The following GLI3 variants were observed in gnomAD, a reference collection of about 807,000 sequenced individuals.
GLI3 encodes the protein transcription activator GLI3.
GLI3 carries 20 observed loss-of-function variants against 100.8 expected under a neutral mutation model. The observed-to-expected ratio is 0.20, with a 90% confidence interval of 0.14 to 0.29. The LOEUF (loss-of-function observed/expected upper bound fraction) is 0.29. GLI3 is among the 10% of genes least tolerant of loss of function. GLI3 has a pLI of 1.00. For missense variants in GLI3, 2,040 were observed against 2,128.5 expected (o/e 0.96, Z 0.82); for synonymous variants, 938 against 860.5 (o/e 1.09, Z -1.58).
intron 10 of GLI3, among the ~76,000 whole-genome samples, chr7:41,995,239 T>A (rs1000127110): frequency 6.6e-6 from 1 of 152,198 alleles, no homozygotes; most frequent in Non-Finnish European, 1.5e-5. Flanking sequence ...GCTATAGGTA[T>A]TAAGGTCCTT....
intron 10 of GLI3, among the ~76,000 whole-genome samples, chr7:42,020,313 T>C (rs1471849006): frequency 6.6e-6 from 1 of 152,326 alleles, no homozygotes; most frequent in Middle Eastern, 3.4e-3. Context: ...ATTCCAACCG[T>C]GCAGCTCAAC....
At chr7:42,087,723 T>G (rs1207298837) in intron 3 of GLI3, among the ~76,000 whole-genome samples, 3 of 151,900 alleles carry the variant, frequency 2.0e-5, no homozygotes, top group Non-Finnish European at 4.4e-5. Flanking sequence ...ACTTTTTTTT[T>G]TTTTTTCATC....
chr7:42,142,387 G>T (rs1786589968), intron 3 of GLI3, among the ~76,000 whole-genome samples: 1 of 152,120 alleles, frequency 6.6e-6, no homozygotes, highest in Non-Finnish European at 1.5e-5. Context: ...GGGGCTAAGT[G>T]ATTTTCTCTA....
intron 4 of GLI3, among the ~76,000 whole-genome samples, chr7:42,057,906 G>T (rs960120590): frequency 6.6e-6 from 1 of 151,886 alleles, no homozygotes; most frequent in Admixed American, 6.6e-5. Context: ...CAGCGGAGGG[G>T]AATAAAGGAT....
At chr7:42,155,007 A>T (rs1786966740) in intron 2 of GLI3, among the ~76,000 whole-genome samples, 2 of 152,230 alleles carry the variant, frequency 1.3e-5, no homozygotes, top group African/African-American at 4.8e-5. Flanking sequence ...CCAGGCCTGC[A>T]ACATGAGAGG....
chr7:42,252,245 C>T (rs1054517224), intron 1 of GLI3, among the ~76,000 whole-genome samples: 2 of 152,074 alleles, frequency 1.3e-5, no homozygotes, highest in South Asian at 4.2e-4. Context: ...GCAGGAACAG[C>T]AAACCAAATA....
At chr7:42,112,325 TTGGTTATA>T (rs1785730474) in intron 3 of GLI3, among the ~76,000 whole-genome samples, 2 of 152,124 alleles carry the variant, frequency 1.3e-5, no homozygotes, top group South Asian at 4.1e-4. Context: ...TTAGCTTTAT[TTGGTTATA>T]TGACCACAGA....
intron 1 of GLI3, among the ~76,000 whole-genome samples, chr7:42,224,244 A>G (rs1349000348): frequency 6.6e-6 from 1 of 152,220 alleles, no homozygotes; most frequent in Non-Finnish European, 1.5e-5. Context: ...ACATTCATGG[A>G]AAGCATTTCT....
At chr7:42,183,459 C>T (rs1307054446) in intron 2 of GLI3, among the ~76,000 whole-genome samples, 1 of 152,050 alleles carries the variant, frequency 6.6e-6, no homozygotes, top group African/African-American at 2.4e-5. Context: ...CTTATCTTAC[C>T]CCAGCCAGGG....
chr7:42,104,852 A>G (rs1221837494), intron 3 of GLI3, among the ~76,000 whole-genome samples: 3 of 152,186 alleles, frequency 2.0e-5, no homozygotes, highest in Non-Finnish European at 2.9e-5. Flanking sequence ...AAGGCCATCT[A>G]TGAACCAGAA....
At chr7:41,999,127 C>T (rs531050989) in intron 10 of GLI3, among the ~76,000 whole-genome samples, 133 of 152,242 alleles carry the variant, frequency 8.7e-4, no homozygotes, top group Non-Finnish European at 1.7e-3. Flanking sequence ...GGACATTACG[C>T]CATGATAGGA....
At chr7:42,173,215 T>C (rs1787412193) in intron 2 of GLI3, among the ~76,000 whole-genome samples, 1 of 152,190 alleles carries the variant, frequency 6.6e-6, no homozygotes, top group Admixed American at 6.5e-5. Flanking sequence ...AAGCCATCGT[T>C]GACAGACACG....
intron 10 of GLI3, among the ~76,000 whole-genome samples, chr7:42,003,448 CAAAT>C (rs1287917342): frequency 6.6e-6 from 1 of 151,474 alleles, no homozygotes; most frequent in Non-Finnish European, 1.5e-5. Flanking sequence ...AAAAATGAAA[CAAAT>C]AAAAAAGAAA....
At chr7:42,201,790 A>T (rs1562784097) in intron 2 of GLI3, among the ~76,000 whole-genome samples, 1 of 152,124 alleles carries the variant, frequency 6.6e-6, no homozygotes, top group Non-Finnish European at 1.5e-5. Context: ...AGTACAGTAA[A>T]AGTACCGTAT....
intron 7 of GLI3, among the ~76,000 whole-genome samples, chr7:42,028,162 A>G (rs1369201752): frequency 1.3e-5 from 2 of 152,232 alleles, no homozygotes; most frequent in African/African-American, 4.8e-5. Context: ...AAGTGTAACT[A>G]CGTTATTCTA....
At chr7:42,141,535 G>A (rs551593433) in intron 3 of GLI3, among the ~76,000 whole-genome samples, 10 of 152,106 alleles carry the variant, frequency 6.6e-5, no homozygotes, top group Admixed American at 5.9e-4. Flanking sequence ...AGCCAGGCGA[G>A]GTGGCACATG....
At chr7:42,049,482 G>A (rs565908041) in intron 4 of GLI3, among the ~76,000 whole-genome samples, 3 of 152,216 alleles carry the variant, frequency 2.0e-5, no homozygotes, top group Non-Finnish European at 4.4e-5. Context: ...TAGCAACTAA[G>A]TGCTCCCGGG....
intron 3 of GLI3, among the ~76,000 whole-genome samples, chr7:42,085,195 A>T (rs1483538636): frequency 6.6e-6 from 1 of 152,110 alleles, no homozygotes; most frequent in Non-Finnish European, 1.5e-5. Flanking sequence ...GTTATCTCAG[A>T]TCTAACTACG....
intron 2 of GLI3, among the ~76,000 whole-genome samples, chr7:42,170,402 T>TTC (rs1355646263): frequency 2.3e-5 from 3 of 133,216 alleles, no homozygotes; most frequent in Admixed American, 7.4e-5. Flanking sequence ...CTGATCTTTT[T>TTC]TTTTTTTTTT....
Sources: allele counts gnomAD v4.1 joint callset (sites outside exome capture counted in the v4.1 genomes callset), GRCh38; gene constraint gnomAD v4.1.1; transcripts MANE v1.5; gene names NCBI Gene and HGNC (gene_info 2026-07-23, HGNC 2026-07-21).